The following GALNT13 variants were observed in gnomAD, a reference collection of about 807,000 sequenced individuals.
GALNT13 encodes the protein UDP-GalNAc:polypeptide N-acetylgalactosaminyltransferase 13.
GALNT13 carries 28 observed loss-of-function variants against 64.2 expected under a neutral mutation model. The observed-to-expected ratio is 0.44, with a 90% CI of 0.32 to 0.60. The LOEUF is 0.60. GALNT13 is among the 20% of genes least tolerant of loss of function. The pLI is 0.05. For synonymous variants in GALNT13, 214 were observed against 224.6 expected, an observed-to-expected ratio of 0.95 and a Z score of 0.42; for missense variants, 577 against 669.8, an observed-to-expected ratio of 0.86 and a Z score of 1.53.
intron 2 of GALNT13, among the ~76,000 whole-genome samples, chr2:153,929,012 A>C (rs1321574441): frequency 1.3e-5 from 2 of 152,158 alleles, no homozygotes; most frequent in Non-Finnish European, 2.9e-5. Flanking sequence ...GTTATGTATA[A>C]AAACTATCTG....
intron 2 of GALNT13, among the ~76,000 whole-genome samples, chr2:153,919,185 C>T (rs186218327): frequency 6.6e-6 from 1 of 152,078 alleles, no homozygotes; most frequent in Non-Finnish European, 1.5e-5. Context: ...CTACAAGATT[C>T]TTTATGGCAC....
At chr2:154,098,343 A>T (rs1031214084) in intron 3 of GALNT13, among the ~76,000 whole-genome samples, 49 of 149,912 alleles carry the variant, frequency 3.3e-4, no homozygotes, top group African/African-American at 1.1e-3. Flanking sequence ...TGAATGGATT[A>T]TTTTTTTTTC....
intron 4 of GALNT13, among the ~76,000 whole-genome samples, chr2:154,170,405 G>A (rs1244009203): frequency 1.3e-5 from 2 of 152,142 alleles, no homozygotes; most frequent in Admixed American, 1.3e-4. Flanking sequence ...TATTCAATAA[G>A]GGAAAGGTAG....
the GALNT13 span, among the ~76,000 whole-genome samples, chr2:153,306,934 C>G: frequency 6.6e-6 from 1 of 152,166 alleles, no homozygotes; most frequent in Non-Finnish European, 1.5e-5. Context: ...TGGGGTTTCA[C>G]CATGTTGGCC....
intron 4 of GALNT13, among the ~76,000 whole-genome samples, chr2:154,150,801 C>G (rs11899951): frequency 0.049 from 7,525 of 152,112 alleles, 365 homozygotes; most frequent in African/African-American, 0.12. Context: ...TTTATTGCGT[C>G]TATTTGATTC....
At chr2:154,259,224 C>G (rs1448257857) in intron 8 of GALNT13, 86 bp downstream of exon 8, 1 of 774,218 alleles carries the variant, frequency 1.3e-6, no homozygotes, top group East Asian at 2.7e-5. Context: ...ACTGTCAAAT[C>G]ATTTTTGCTG....
the GALNT13 span, among the ~76,000 whole-genome samples, chr2:153,639,920 G>C: frequency 6.6e-6 from 1 of 152,104 alleles, no homozygotes; most frequent in Non-Finnish European, 1.5e-5. Context: ...GGATGACCTG[G>C]AAATTCTCGG....
chr2:153,179,303 A>G, the GALNT13 span, among the ~76,000 whole-genome samples: 1 of 152,204 alleles, frequency 6.6e-6, no homozygotes, highest in Non-Finnish European at 1.5e-5. Context: ...CCTTTTCACA[A>G]CATAAAAGGC....
chr2:153,824,896 T>C, the GALNT13 span, among the ~76,000 whole-genome samples: 1 of 152,154 alleles, frequency 6.6e-6, no homozygotes, highest in Non-Finnish European at 1.5e-5. Flanking sequence ...TTTTCTGCCA[T>C]GATTGAAAGT....
At chr2:153,578,553 C>T in the GALNT13 span, among the ~76,000 whole-genome samples, 1 of 152,080 alleles carries the variant, frequency 6.6e-6, no homozygotes, top group Non-Finnish European at 1.5e-5. Flanking sequence ...GTAGACCCAT[C>T]AAAAGGTGGA....
chr2:153,908,363 T>G (rs918081525), intron 2 of GALNT13, among the ~76,000 whole-genome samples: 6 of 152,160 alleles, frequency 3.9e-5, no homozygotes, highest in Non-Finnish European at 5.9e-5. Context: ...TGTTGATAGT[T>G]TCTTTTTCTG....
At chr2:154,339,482 G>A (rs893326737) in intron 9 of GALNT13, among the ~76,000 whole-genome samples, 12 of 152,030 alleles carry the variant, frequency 7.9e-5, no homozygotes, top group African/African-American at 4.8e-5. Context: ...GAACTGTGTT[G>A]GCCAAATGTG....
chr2:153,539,520 TTTTAGGTCTAACG>T, the GALNT13 span, among the ~76,000 whole-genome samples: 1 of 151,962 alleles, frequency 6.6e-6, no homozygotes, highest in Non-Finnish European at 1.5e-5. Context: ...GTGTTTATGG[TTTTAGGTCTAACG>T]TTTAAGTCTT....
the GALNT13 span, among the ~76,000 whole-genome samples, chr2:153,108,819 C>T: frequency 2.6e-5 from 4 of 152,122 alleles, no homozygotes; most frequent in Non-Finnish European, 4.4e-5. Context: ...TCATATATTT[C>T]CCTTCTGTTT....
the GALNT13 span, among the ~76,000 whole-genome samples, chr2:153,186,208 G>A: frequency 6.6e-6 from 1 of 151,986 alleles, no homozygotes; most frequent in African/African-American, 2.4e-5. Flanking sequence ...TTACCATTAT[G>A]TCATGCCCTT....
chr2:154,447,006 T>G (rs1701619338), intron 12 of GALNT13, among the ~76,000 whole-genome samples: 1 of 151,696 alleles, frequency 6.6e-6, no homozygotes, highest in Non-Finnish European at 1.5e-5. Flanking sequence ...ATTTTAAACA[T>G]ATATATGCAT....
the GALNT13 span, among the ~76,000 whole-genome samples, chr2:153,517,235 A>G: frequency 6.6e-6 from 1 of 152,188 alleles, no homozygotes; most frequent in African/African-American, 2.4e-5. Context: ...ATGAAACTGT[A>G]TATGCTTACC....
intron 2 of GALNT13, among the ~76,000 whole-genome samples, chr2:153,923,508 GA>G (rs1259544656): frequency 4.3e-4 from 65 of 151,968 alleles, no homozygotes; most frequent in African/African-American, 1.4e-3. Flanking sequence ...TTTGGAATCT[GA>G]TTTTTTTTGT....
At chr2:153,284,595 G>A in the GALNT13 span, among the ~76,000 whole-genome samples, 1 of 152,088 alleles carries the variant, frequency 6.6e-6, no homozygotes, top group Non-Finnish European at 1.5e-5. Flanking sequence ...CAGGACTTGG[G>A]GAAACAGTGT....
Sources: gnomAD v4.1 joint callset for allele counts (sites outside exome capture counted in the v4.1 genomes callset) on GRCh38, gnomAD v4.1.1 for gene constraint, MANE v1.5 for transcripts, NCBI Gene and HGNC (gene_info 2026-07-23, HGNC 2026-07-21) for gene names.